Variants in RERG observed in about 807,000 individuals in gnomAD.
RERG encodes ras-related and estrogen-regulated growth inhibitor.
A neutral mutation model predicts 23.2 loss-of-function variants in RERG; 25 were observed. That is an observed-to-expected ratio of 1.08 (90% confidence interval 0.79 to 1.50). The LOEUF (loss-of-function observed/expected upper bound fraction) is 1.50. RERG is among the 40% of genes most tolerant of loss of function. The pLI is 0.00. For synonymous variants in RERG, 81 were observed against 89.1 expected, an observed-to-expected ratio of 0.91 and a Z score of 0.51; for missense variants, 253 against 250.1, an observed-to-expected ratio of 1.01 and a Z score of -0.08.
At chr12:15,169,272 C>A (rs537743635) in intron 2 of RERG, among the ~76,000 whole-genome samples, 1 of 152,242 alleles carries the variant, frequency 6.6e-6, no homozygotes, top group Admixed American at 6.5e-5. Flanking sequence ...ACAGGATGCC[C>A]AGATGTTTAG....
chr12:15,168,073 C>G (rs770976893), intron 2 of RERG, among the ~76,000 whole-genome samples: 8 of 152,188 alleles, frequency 5.3e-5, no homozygotes, highest in Non-Finnish European at 8.8e-5. Flanking sequence ...TTGGGACACT[C>G]AAATGTCCAA....
intron 2 of RERG, among the ~76,000 whole-genome samples, chr12:15,133,015 A>C (rs1002442534): frequency 9.7e-6 from 1 of 103,110 alleles, no homozygotes; most frequent in Non-Finnish European, 1.8e-5. Context: ...CTCCCCCATT[A>C]TTCATATCCC....
At chr12:15,155,651 G>C (rs1007243676) in intron 2 of RERG, among the ~76,000 whole-genome samples, 22 of 152,252 alleles carry the variant, frequency 1.4e-4, no homozygotes, top group African/African-American at 5.3e-4. Context: ...AGGGCTTCTT[G>C]GTAGTACCTG....
chr12:15,164,479 A>G (rs58920866), intron 2 of RERG, among the ~76,000 whole-genome samples: 7,345 of 152,244 alleles, frequency 0.048, 261 homozygotes, highest in East Asian at 0.17. Context: ...TAGAATATTG[A>G]TCCGAAAAGG....
At chr12:15,126,658 G>A (rs2136092493) in intron 2 of RERG, among the ~76,000 whole-genome samples, 1 of 151,484 alleles carries the variant, frequency 6.6e-6, no homozygotes, top group Non-Finnish European at 1.5e-5. Flanking sequence ...AAAGAAAGGG[G>A]AAAAGAAACA....
intron 3 of RERG, 115 bp downstream of exon 3, chr12:15,120,948 A>G: frequency 1.3e-6 from 1 of 775,474 alleles, no homozygotes; most frequent in South Asian, 1.5e-5. Context: ...ATGATTTGAA[A>G]AGCACTTCCA....
intron 2 of RERG, among the ~76,000 whole-genome samples, chr12:15,139,551 C>T (rs1591643762): frequency 6.6e-6 from 1 of 152,096 alleles, no homozygotes; most frequent in African/African-American, 2.4e-5. Context: ...TAGATTTATA[C>T]ATAAGCATTT....
chr12:15,148,400 G>T (rs144159645), intron 2 of RERG, among the ~76,000 whole-genome samples: 1 of 151,276 alleles, frequency 6.6e-6, no homozygotes, highest in East Asian at 1.9e-4. Context: ...GTAGAAATGC[G>T]GGGGGGAAAT....
chr12:15,169,046 T>A (rs1864736458), intron 2 of RERG, among the ~76,000 whole-genome samples: 1 of 152,186 alleles, frequency 6.6e-6, no homozygotes, highest in African/African-American at 2.4e-5. Flanking sequence ...TGAAAGGTTG[T>A]AAATCAAGGG....
At chr12:15,109,556 A>C (rs1315618766) in intron 4 of RERG, 39 bp from the exon 5 acceptor site, 1 of 1,488,064 alleles carries the variant, frequency 6.7e-7, no homozygotes, top group African/African-American at 1.4e-5. Context: ...AGACCTGGAA[A>C]TAATCAAAAT....
At chr12:15,220,524 CTTAT>C (rs1459260845) in intron 1 of RERG, among the ~76,000 whole-genome samples, 1 of 150,732 alleles carries the variant, frequency 6.6e-6, no homozygotes, top group African/African-American at 2.4e-5. Context: ...TAACTGTAAC[CTTAT>C]TTACTTACTT....
At chr12:15,135,280 G>A (rs186637939) in intron 2 of RERG, among the ~76,000 whole-genome samples, 69 of 152,226 alleles carry the variant, frequency 4.5e-4, no homozygotes, top group African/African-American at 1.4e-3. Flanking sequence ...TAATCTTTCC[G>A]TAATTGCTTA....
intron 2 of RERG, among the ~76,000 whole-genome samples, chr12:15,187,625 C>T (rs1210925181): frequency 2.0e-5 from 3 of 151,320 alleles, no homozygotes; most frequent in Non-Finnish European, 4.4e-5. Context: ...ACGGCGCAAT[C>T]TTGGCTCACT....
intron 2 of RERG, among the ~76,000 whole-genome samples, chr12:15,139,545 T>C (rs1413454826): frequency 1.3e-5 from 2 of 152,184 alleles, no homozygotes; most frequent in Non-Finnish European, 2.9e-5. Flanking sequence ...TTTTGTTAGA[T>C]TTATACATAA....
At chr12:15,201,162 A>G (rs1276105192) in intron 2 of RERG, among the ~76,000 whole-genome samples, 2 of 152,058 alleles carry the variant, frequency 1.3e-5, no homozygotes, top group Admixed American at 6.6e-5. Flanking sequence ...GGCTCAGGTT[A>G]AGTACTTTTC....
chr12:15,137,796 T>C (rs1460043102), intron 2 of RERG: 1 of 423,000 alleles, frequency 2.4e-6, no homozygotes, highest in Admixed American at 2.8e-5. Context: ...GTTAGATAAA[T>C]TAAGAGTAAG....
chr12:15,124,297 G>A (rs1220696446), intron 2 of RERG, among the ~76,000 whole-genome samples: 1 of 151,592 alleles, frequency 6.6e-6, no homozygotes, highest in Non-Finnish European at 1.5e-5. Flanking sequence ...TCAAGAAGAA[G>A]CAGGCATCAG....
intron 2 of RERG, among the ~76,000 whole-genome samples, chr12:15,174,656 CCTTT>C (rs1174343815): frequency 2.0e-5 from 3 of 151,780 alleles, no homozygotes; most frequent in Admixed American, 2.0e-4. Flanking sequence ...GTTTATTTTT[CCTTT>C]CTGTTTCTCA....
chr12:15,117,675 G>GCGCGCGCGCGCGCA (rs1555119493), intron 3 of RERG, among the ~76,000 whole-genome samples: 37 of 145,136 alleles, frequency 2.5e-4, no homozygotes, highest in African/African-American at 9.9e-4. Context: ...TCACACACGC[G>GCGCGCGCGCGCGCA]CACACACACA....
Sources: allele counts gnomAD v4.1 joint callset (sites outside exome capture counted in the v4.1 genomes callset), GRCh38; gene constraint gnomAD v4.1.1; transcripts MANE v1.5; gene names NCBI Gene and HGNC (gene_info 2026-07-23, HGNC 2026-07-21).